The following ITGA11 variants were observed in gnomAD, a reference collection of about 807,000 sequenced individuals.
The protein encoded by ITGA11 is integrin subunit alpha 11, also known as integrin alpha-11.
In ITGA11, 97 loss-of-function variants were observed where a neutral mutation model predicts 141.9. That is an observed-to-expected ratio of 0.68 (90% CI 0.58 to 0.81). ITGA11 has a LOEUF of 0.81. Among genes scored for constraint, ITGA11 ranks in the 30% least tolerant of loss-of-function variants. ITGA11 has a pLI of 0.00. For missense variants in ITGA11, 1,387 were observed against 1,559.2 expected (o/e 0.89, Z 1.86); for synonymous variants, 658 against 624.6 (o/e 1.05, Z -0.80).
chr15:68,423,992 A>AC (rs1445735680), intron 1 of ITGA11, among the ~76,000 whole-genome samples: 1 of 151,494 alleles, frequency 6.6e-6, no homozygotes, highest in African/African-American at 2.4e-5. Flanking sequence ...AACTCAGAGA[A>AC]CCCCCCGCCC....
intron 3 of ITGA11, 200 bp from the exon 4 acceptor site, chr15:68,364,998 G>A (rs532535082): frequency 3.1e-6 from 1 of 319,906 alleles, no homozygotes; most frequent in East Asian, 5.3e-4. Context: ...AGAAAACCGA[G>A]TCTCAGAGAG....
chr15:68,360,457 T>A (rs1895204417), intron 5 of ITGA11, among the ~76,000 whole-genome samples: 1 of 152,144 alleles, frequency 6.6e-6, no homozygotes, highest in Admixed American at 6.5e-5. Context: ...AACACTCCCT[T>A]GGGGAGCTTA....
chr15:68,317,448 C>T (rs2140282034), intron 20 of ITGA11, 85 bp from the exon 21 acceptor site: 1 of 939,852 alleles, frequency 1.1e-6, no homozygotes, highest in Non-Finnish European at 1.8e-6. Context: ...CAGCCTGCAC[C>T]CCACTCTGCA....
At chr15:68,336,264 G>A (rs756011352) in intron 11 of ITGA11, among the ~76,000 whole-genome samples, 5 of 152,088 alleles carry the variant, frequency 3.3e-5, no homozygotes, top group Non-Finnish European at 2.9e-5. Context: ...CTTCACTCTT[G>A]GAGACTAACC....
In ITGA11 at chr15:68,400,757, T is replaced by TATATTATATAATA. The variant is rs1896471513; in HGVS notation, c.164+2160_164+2161insTATTATATAATAT. On this transcript the variant is annotated intron_variant, in intron 2 of 29. Transcript: ENST00000315757. Reference sequence around the variant, plus strand: ...ATTATATATTATATAATAAATATTATAATATTATATATTATATAATAAATA... The same window carrying TATATTATATAATA: ...ATTATATATTATATAATAAATATTATATATTATATAATAAATATTATATATTATATAATAAATA... Among the ~76,000 whole-genome samples, 6 of 18,064 alleles carry TATATTATATAATA rather than the reference T, an allele frequency of 3.3e-4. 1 individual carries two copies. Among genetic ancestry groups the TATATTATATAATA allele is most frequent in the African/African-American group, 2.6e-3 (5 of 1,936 alleles). 11.9% of individuals were successfully genotyped at this position (18,064 alleles called of 152,430 possible).
intron 25 of ITGA11, 76 bp downstream of exon 25, chr15:68,311,214 C>A: frequency 1.6e-6 from 2 of 1,285,858 alleles, no homozygotes; most frequent in Non-Finnish European, 2.2e-6. Flanking sequence ...GGTCTGGGAA[C>A]CTGGGGACAC....
chr15:68,424,838 G>T (rs1469200264), intron 1 of ITGA11, among the ~76,000 whole-genome samples: 3 of 152,238 alleles, frequency 2.0e-5, no homozygotes, highest in East Asian at 3.8e-4. Context: ...CCCCTAAAAA[G>T]GTTCCCAAAG....
intron 7 of ITGA11, among the ~76,000 whole-genome samples, chr15:68,354,678 C>T (rs1008333108): frequency 1.3e-5 from 2 of 152,144 alleles, no homozygotes; most frequent in African/African-American, 4.8e-5. Flanking sequence ...GGTCCAGTGC[C>T]GCCTCCTCCT....
chr15:68,383,195 C>T (rs909321449), intron 2 of ITGA11, among the ~76,000 whole-genome samples: 73 of 151,594 alleles, frequency 4.8e-4, no homozygotes, highest in Non-Finnish European at 6.2e-4. Flanking sequence ...GGCGTGAACT[C>T]GGGAGGCAGA....
At chr15:68,400,660 A>ATATATTATATATTATATAATAAATAT (rs1566938467) in intron 2 of ITGA11, among the ~76,000 whole-genome samples, 11 of 31,086 alleles carry the variant, frequency 3.5e-4, no homozygotes, top group African/African-American at 8.8e-4. Context: ...TATATAATAA[A>ATATATTATATATTATATAATAAATAT]TATATTATAT....
chr15:68,397,678 ATAT>A (rs1247502350), intron 2 of ITGA11, among the ~76,000 whole-genome samples: 9 of 44,516 alleles, frequency 2.0e-4, no homozygotes, highest in African/African-American at 5.2e-4. Flanking sequence ...AATATTTAAA[ATAT>A]TATATTTAAA....
intron 19 of ITGA11, among the ~76,000 whole-genome samples, chr15:68,320,806 A>G (rs898909376): frequency 3.3e-5 from 5 of 152,176 alleles, no homozygotes; most frequent in African/African-American, 9.7e-5. Context: ...TGAATGTGCT[A>G]TTTCTCTTTA....
intron 2 of ITGA11, among the ~76,000 whole-genome samples, chr15:68,370,743 G>A (rs145795071): frequency 1.2e-3 from 183 of 152,348 alleles, no homozygotes; most frequent in Non-Finnish European, 1.2e-3. Flanking sequence ...GGGGCACAGG[G>A]ACAGGTTGGA....
At chr15:68,423,992 A>ACCC (rs1445735680) in intron 1 of ITGA11, among the ~76,000 whole-genome samples, 1 of 151,494 alleles carries the variant, frequency 6.6e-6, no homozygotes, top group Non-Finnish European at 1.5e-5. Context: ...AACTCAGAGA[A>ACCC]CCCCCCGCCC....
intron 11 of ITGA11, among the ~76,000 whole-genome samples, chr15:68,337,519 C>CGGA (rs779193286): frequency 1.3e-5 from 2 of 152,138 alleles, no homozygotes; most frequent in African/African-American, 2.4e-5. Flanking sequence ...GACTCCTAGA[C>CGGA]GGAGGAGGAG....
At chr15:68,358,616 CAAGGA>C (rs1476384764) in intron 5 of ITGA11, 31 bp from the exon 6 acceptor site, 2 of 1,594,782 alleles carry the variant, frequency 1.3e-6, no homozygotes, top group Admixed American at 3.5e-5. Flanking sequence ...TATGGCTACC[CAAGGA>C]GCAGTGTCTG....
At chr15:68,357,349 T>C (rs370354570) in intron 6 of ITGA11, 50 bp from the exon 7 acceptor site, 2 of 1,577,656 alleles carry the variant, frequency 1.3e-6, no homozygotes, top group South Asian at 2.4e-5. Flanking sequence ...CATGAACCCA[T>C]GAACCTTAGA....
At chr15:68,397,215 ATATTATATAT>A (rs1896301356) in intron 2 of ITGA11, among the ~76,000 whole-genome samples, 1 of 6 alleles carries the variant, frequency 0.17, no homozygotes, top group Non-Finnish European at 0.25. Flanking sequence ...ATTATATAAT[ATATTATATAT>A]TATATATTAT....
In ITGA11 at chr15:68,313,777, A is replaced by C; in HGVS notation, c.2882+2T>G. 1 of 1,613,464 alleles carries C rather than the reference A, an allele frequency of 6.2e-7. No homozygotes were observed. Among genetic ancestry groups the C allele is most frequent in the Non-Finnish European group, 8.5e-7 (1 of 1,179,610 alleles). ...TCCTGGGGCCCCCGGAGCCCGGCCC[A>C]CCTGGTGAAGAGGACGTCAGCCTCG... On this transcript the variant is annotated splice_donor_variant, in intron 23 of 29. Coordinates refer to ENST00000315757, the MANE Select transcript of ITGA11 (RefSeq NM_001004439.2). LOFTEE classifies it high-confidence loss of function.
Sources: allele counts gnomAD v4.1 joint callset (sites outside exome capture counted in the v4.1 genomes callset), GRCh38; gene constraint gnomAD v4.1.1; transcripts MANE v1.5; gene names NCBI Gene and HGNC (gene_info 2026-07-23, HGNC 2026-07-21).